The following NPY1R variants were observed in gnomAD, a reference collection of about 807,000 sequenced individuals.
The protein encoded by NPY1R is neuropeptide Y receptor type 1.
In NPY1R, 10 loss-of-function variants were observed where a neutral mutation model predicts 24.1. The ratio of observed to expected loss-of-function variants is 0.42; its 90% confidence interval spans 0.26 to 0.71. The LOEUF (loss-of-function observed/expected upper bound fraction) is 0.71. Among genes scored for constraint, NPY1R ranks in the 30% least tolerant of loss-of-function variants. NPY1R has a pLI of 0.28. For synonymous variants in NPY1R, 168 were observed against 165.9 expected, an observed-to-expected ratio of 1.01 and a Z score of -0.10; for missense variants, 350 against 458.0, an observed-to-expected ratio of 0.76 and a Z score of 2.15.
chr4:163,326,500 A>C lies in NPY1R; in HGVS notation c.55T>G (p.Ser19Ala). The C allele has an allele frequency of 6.2e-7, 1 of 1,612,848 alleles. No homozygotes were observed. Among genetic ancestry groups the C allele is most frequent in the Non-Finnish European group, 8.5e-7 (1 of 1,179,478 alleles). The change falls in exon 2 of 3, where the codon TCA (serine) becomes GCA (alanine). Residue 19 changes from serine to alanine, a missense_variant. Ser to Ala is a moderately conservative substitution (Grantham distance 99, BLOSUM62 1). Coordinates refer to ENST00000296533, the MANE Select transcript of NPY1R (RefSeq NM_000909.6). ...GCCAGAAGCTGGGCATTCTTCTCTG[A>C]GAAATTAGAGTGGACTGAATGATTT... is the stretch of plus-strand genomic sequence containing the variant. Reference protein sequence around the residue: ...VENHSVHSNFSEKNAQLLAFE... With the variant: ...VENHSVHSNFAEKNAQLLAFE...
intron 1 of NPY1R, among the ~76,000 whole-genome samples, chr4:163,327,371 T>C (rs1257600029): frequency 1.3e-5 from 2 of 152,174 alleles, no homozygotes; most frequent in African/African-American, 4.8e-5. Flanking sequence ...GAACACAGCG[T>C]TGAGCTTAGA....
At chr4:163,328,434 T>C (rs1734657077) in intron 1 of NPY1R, among the ~76,000 whole-genome samples, 1 of 152,250 alleles carries the variant, frequency 6.6e-6, no homozygotes, top group South Asian at 2.1e-4. Flanking sequence ...GCATCATATT[T>C]CCTATTTAAG....
chr4:163,332,666 C>G (rs1342209116), upstream of NPY1R: 5 of 152,414 alleles, frequency 3.3e-5, no homozygotes, highest in Admixed American at 6.5e-5. Context: ...GACGGCGTCC[C>G]GCGAGTAGCG....
rs868713447 is a variant in NPY1R at position 163,325,477 on chromosome 4, G to A, written c.981C>T (p.Phe327=). 6.2e-7 allele frequency: 1 copy of A among 1,614,014 alleles called. No homozygotes were observed. The highest frequency in any genetic ancestry group is 8.5e-7 in the Non-Finnish European group (1 of 1,179,990). The change falls in exon 3 of 3, where the codon TTC becomes TTT. Residue 327 remains phenylalanine, a synonymous_variant. Transcript: ENST00000296533. ...TGAAGAAGAACTGCAAGTCTCTCTGGAAGTTTTTGTTCAGGAACCCATAAA... is the reference window on the plus strand; with the variant it reads ...TGAAGAAGAACTGCAAGTCTCTCTGAAAGTTTTTGTTCAGGAACCCATAAA... ...PIFYGFLNKN[F]QRDLQFFFNF...
At chr4:163,339,015 C>A (rs936123350) in intron 1 of NPY1R, among the ~76,000 whole-genome samples, 7 of 152,162 alleles carry the variant, frequency 4.6e-5, no homozygotes, top group East Asian at 1.9e-4. Context: ...TATTTCTTTT[C>A]TAAATGGTCT....
At chr4:163,327,728 T>C (rs2110788724) in intron 1 of NPY1R, among the ~76,000 whole-genome samples, 1 of 152,330 alleles carries the variant, frequency 6.6e-6, no homozygotes, top group African/African-American at 2.4e-5. Flanking sequence ...TTTTGATTTT[T>C]CACAGCACTT....
intron 1 of NPY1R, among the ~76,000 whole-genome samples, 192 bp downstream of exon 1, chr4:163,332,290 A>G (rs1015568193): frequency 3.3e-5 from 5 of 151,592 alleles, no homozygotes; most frequent in Non-Finnish European, 7.4e-5. Flanking sequence ...TCGTCCCCAT[A>G]CCCTTCGGCA....
chr4:163,328,612 A>G (rs969555789), intron 1 of NPY1R, among the ~76,000 whole-genome samples: 1 of 152,170 alleles, frequency 6.6e-6, no homozygotes, highest in Non-Finnish European at 1.5e-5. Flanking sequence ...TACTAAGTAC[A>G]TTCCCCAGCC....
Position 163,324,441 on chromosome 4 carries a change from GACAA to G in NPY1R, c.*858_*861del, listed in dbSNP as rs1334808824. 1 of 152,078 alleles carries G rather than the reference GACAA, an allele frequency of 6.6e-6. No homozygotes were observed. The highest frequency in any genetic ancestry group is 6.6e-5 in the Admixed American group (1 of 15,264). 9.4% of individuals were successfully genotyped at this position (152,078 alleles called of 1,614,324 possible). On this transcript the variant is annotated 3_prime_UTR_variant, in exon 3 of 3. Coordinates refer to ENST00000296533, the MANE Select transcript of NPY1R (RefSeq NM_000909.6). The stretch of plus-strand genomic sequence containing the variant: ...AGTACATATTTATGCCAGAAAGCTT[GACAA>G]ACACTGAACAGTCTGTAAAAAAAAT...
At chr4:163,341,861 T>C (rs1734990396) in intron 1 of NPY1R, among the ~76,000 whole-genome samples, 1 of 152,068 alleles carries the variant, frequency 6.6e-6, no homozygotes. Context: ...TGATGATCAG[T>C]CTCAAATCCC....
At chr4:163,330,182 A>G (rs1237317532) in intron 1 of NPY1R, among the ~76,000 whole-genome samples, 3 of 152,226 alleles carry the variant, frequency 2.0e-5, no homozygotes, top group South Asian at 2.1e-4. Flanking sequence ...ATGAATACAT[A>G]TAAGAATTCA....
At chr4:163,329,016 A>G (rs952016740) in intron 1 of NPY1R, among the ~76,000 whole-genome samples, 9 of 152,260 alleles carry the variant, frequency 5.9e-5, no homozygotes, top group Non-Finnish European at 1.0e-4. Flanking sequence ...GCTCAATTCC[A>G]TCATAGTCCT....
chr4:163,336,595 C>G (rs1458271932), upstream of NPY1R, among the ~76,000 whole-genome samples: 4 of 152,178 alleles, frequency 2.6e-5, no homozygotes, highest in Non-Finnish European at 4.4e-5. Flanking sequence ...CAGCACAACA[C>G]TTCAGATGGC....
At chr4:163,331,040 G>C (rs925917009) in intron 1 of NPY1R, 3 of 152,254 alleles carry the variant, frequency 2.0e-5, no homozygotes, top group Non-Finnish European at 4.4e-5. Context: ...GACTAATAAA[G>C]TAGTAGTCAC....
At chr4:163,330,317 G>C (rs1179618827) in intron 1 of NPY1R, among the ~76,000 whole-genome samples, 1 of 152,200 alleles carries the variant, frequency 6.6e-6, no homozygotes, top group Non-Finnish European at 1.5e-5. Context: ...CATGCCCAAT[G>C]AGGAAGCATT....
chr4:163,343,228 T>C (rs1735052831), intron 1 of NPY1R, among the ~76,000 whole-genome samples: 1 of 151,642 alleles, frequency 6.6e-6, no homozygotes, highest in Non-Finnish European at 1.5e-5. Context: ...GTCTTCTCTT[T>C]GCTATTGAAT....
intron 1 of NPY1R, among the ~76,000 whole-genome samples, chr4:163,338,902 G>A (rs548436610): frequency 1.1e-4 from 16 of 152,096 alleles, no homozygotes; most frequent in South Asian, 2.1e-4. Context: ...ATGTATTCCC[G>A]TCTCTCACTC....
In NPY1R at chr4:163,325,630, C is replaced by G; in HGVS notation, c.828G>C (p.Trp276Cys). 6.2e-7 allele frequency: 1 copy of G among 1,611,444 alleles called. No homozygotes were observed. The change falls in exon 3 of 3, where the codon TGG (tryptophan) becomes TGC (cysteine). Residue 276 changes from tryptophan to cysteine, a missense_variant. Physicochemically the swap from Trp to Cys is radical, Grantham distance 215 (BLOSUM62 -2). Transcript: ENST00000296533. ...CAGTGTTAAAGATGGTAAGAGGGAG[C>G]CAGCAGACTGCAAATGCTACCACAA... ...LSIVVAFAVC[W>C]LPLTIFNTVF...
At chr4:163,331,874 G>C (rs1240152122) in intron 1 of NPY1R, among the ~76,000 whole-genome samples, 2 of 152,224 alleles carry the variant, frequency 1.3e-5, no homozygotes, top group Non-Finnish European at 1.5e-5. Flanking sequence ...TGCGGAGCGC[G>C]GCTCGATTGC....
Sources: allele counts gnomAD v4.1 joint callset (sites outside exome capture counted in the v4.1 genomes callset), GRCh38; gene constraint gnomAD v4.1.1; transcripts MANE v1.5; gene names NCBI Gene and HGNC (gene_info 2026-07-23, HGNC 2026-07-21).